The following MPDZ variants were observed in gnomAD, a reference collection of about 807,000 sequenced individuals.
MPDZ encodes the protein multiple PDZ domain crumbs cell polarity complex component, also known as multiple PDZ domain protein.
A neutral mutation model predicts 239.1 loss-of-function variants in MPDZ; 234 were observed. The observed-to-expected ratio is 0.98, with a 90% CI of 0.88 to 1.09. MPDZ has a LOEUF of 1.09. Among genes scored for constraint, MPDZ ranks in the 50% least tolerant of loss-of-function variants. The pLI is 0.00. For synonymous variants in MPDZ, 1,048 were observed against 881.3 expected, an observed-to-expected ratio of 1.19 and a Z score of -3.35; for missense variants, 3,175 against 2,510.0, an observed-to-expected ratio of 1.26 and a Z score of -5.66.
chr9:13,121,352 C>A (rs921802251), intron 38 of MPDZ, among the ~76,000 whole-genome samples: 20 of 152,176 alleles, frequency 1.3e-4, no homozygotes, highest in Admixed American at 1.3e-3. Flanking sequence ...GGGTCCCCCA[C>A]AAAGCATCTT....
At position 13,272,246 on chromosome 9, in the gene MPDZ, T is replaced by A. The variant is rs1464296526; in HGVS notation, c.-58+7154A>T. Reference sequence around the variant, plus strand: ...AGAAAAGGATAGGGGCTGAATAGGTTGACTTTAGCATCCAACAGATGTTCA... The same window carrying A: ...AGAAAAGGATAGGGGCTGAATAGGTAGACTTTAGCATCCAACAGATGTTCA... On this transcript the variant is annotated intron_variant, in intron 1 of 46. Coordinates refer to ENST00000319217, the MANE Select transcript of MPDZ (RefSeq NM_001378778.1). Among the ~76,000 whole-genome samples the A allele has an allele frequency of 2.6e-5, 4 of 152,154 alleles. No individual in the cohort carries two copies. The East Asian group carries it at 7.7e-4, about 29-fold the overall frequency.
chr9:13,261,363 G>A (rs1480126863), intron 1 of MPDZ, among the ~76,000 whole-genome samples: 1 of 151,994 alleles, frequency 6.6e-6, no homozygotes, highest in African/African-American at 2.4e-5. Flanking sequence ...TTTTGCCAGA[G>A]GTATGTTGTA....
intron 19 of MPDZ, among the ~76,000 whole-genome samples, chr9:13,177,169 C>A (rs1036850570): frequency 5.9e-5 from 9 of 152,062 alleles, no homozygotes; most frequent in African/African-American, 2.2e-4. Flanking sequence ...TATTGTATCA[C>A]TTGAGTGCTT....
At chr9:13,255,856 T>A (rs1241243171) in intron 1 of MPDZ, among the ~76,000 whole-genome samples, 2 of 152,208 alleles carry the variant, frequency 1.3e-5, no homozygotes, top group Admixed American at 1.3e-4. Context: ...AGCACTGGCT[T>A]CAATTTGACA....
chr9:13,277,736 T>C (rs1162276541), intron 1 of MPDZ, among the ~76,000 whole-genome samples: 1 of 152,052 alleles, frequency 6.6e-6, no homozygotes, highest in Non-Finnish European at 1.5e-5. Flanking sequence ...CGCTAATGTT[T>C]GTATTTTTAG....
intron 1 of MPDZ, among the ~76,000 whole-genome samples, chr9:13,267,131 A>G (rs1344332831): frequency 6.6e-6 from 1 of 152,234 alleles, no homozygotes; most frequent in African/African-American, 2.4e-5. Context: ...TTCAATAACA[A>G]CTAATAATAA....
chr9:13,198,170 A>G (rs1955892466), intron 12 of MPDZ, among the ~76,000 whole-genome samples: 1 of 152,146 alleles, frequency 6.6e-6, no homozygotes, highest in Non-Finnish European at 1.5e-5. Flanking sequence ...AGGAACCTCC[A>G]TAATGCTCTC....
intron 16 of MPDZ, among the ~76,000 whole-genome samples, chr9:13,189,826 C>G (rs568271273): frequency 9.2e-5 from 14 of 152,176 alleles, no homozygotes; most frequent in African/African-American, 3.4e-4. Flanking sequence ...ATCAAATAAG[C>G]CCATGGAAAT....
rs1942291355 is a variant in MPDZ at position 13,110,618 on chromosome 9, T to G, written c.5829+18A>C. 1 of 1,592,928 alleles carries G rather than the reference T, an allele frequency of 6.3e-7. No homozygotes were observed. Among genetic ancestry groups the G allele is most frequent in the African/African-American group, 1.3e-5 (1 of 74,670 alleles). ...AGGCTACCTATATTCTGAATTATGC[T>G]TGGGATAAAAATCTTACCTGCATTT... On this transcript the variant is annotated intron_variant, in intron 44 of 46. Coordinates refer to ENST00000319217, the MANE Select transcript of MPDZ (RefSeq NM_001378778.1).
At chr9:13,272,964 G>C (rs1200722594) in intron 1 of MPDZ, among the ~76,000 whole-genome samples, 1 of 152,106 alleles carries the variant, frequency 6.6e-6, no homozygotes, top group Admixed American at 6.6e-5. Flanking sequence ...ATGGTATTAG[G>C]GGGTGGGGTC....
Position 13,190,242 on chromosome 9 carries a change from C to T in MPDZ, c.2026G>A (p.Ala676Thr), listed in dbSNP as rs1954716690. The T allele has an allele frequency of 3.1e-6, 5 of 1,612,274 alleles. No homozygotes were observed. The highest frequency in any genetic ancestry group is 4.2e-6 in the Non-Finnish European group (5 of 1,179,232). Residue 676 changes from alanine (A) to threonine (T), a missense_variant, in exon 16 of 47, where the codon GCG (alanine) becomes ACG (threonine). Coordinates refer to ENST00000319217, the MANE Select transcript of MPDZ (RefSeq NM_001378778.1). The part of the protein sequence containing the change: ...GSSETEDPVL[A>T]MTDAGQSTEE... ...GTACTCTGACCCGCATCAGTCATCG[C>T]CAGCACTGGATCCTCTGTCTCTGAT...
chr9:13,186,892 G>C (rs1019240705), intron 17 of MPDZ, among the ~76,000 whole-genome samples: 9 of 152,142 alleles, frequency 5.9e-5, no homozygotes, highest in African/African-American at 2.2e-4. Flanking sequence ...GAAAAGGAAT[G>C]TTAGTGAACT....
At chr9:13,146,583 G>A (rs554488334) in intron 26 of MPDZ, among the ~76,000 whole-genome samples, 1 of 152,104 alleles carries the variant, frequency 6.6e-6, no homozygotes, top group South Asian at 2.1e-4. Flanking sequence ...GAAATTCAAA[G>A]AGAATCACTA....
At chr9:13,256,005 T>TAA (rs1969341967) in intron 1 of MPDZ, among the ~76,000 whole-genome samples, 1 of 152,212 alleles carries the variant, frequency 6.6e-6, no homozygotes, top group Non-Finnish European at 1.5e-5. Context: ...AAATCTGTTG[T>TAA]TTAGTGCAGC....
intron 21 of MPDZ, among the ~76,000 whole-genome samples, chr9:13,170,929 A>C (rs1951701059): frequency 6.6e-6 from 1 of 152,060 alleles, no homozygotes; most frequent in South Asian, 2.1e-4. Context: ...AACTTGTAAG[A>C]TCTCTCAATT....
rs745854560 is a variant in MPDZ, at chr9:13,107,075, C to A, written c.6103G>T (p.Asp2035Tyr). ...ASEDGRLKRG[D>Y]QIIAVNGQSL... ...TGCCCATTGACAGCAATGATCTGAT[C>A]GCCCCTTTTCAGACGTCCGTCTTCA... The change falls in exon 47 of 47, where the codon GAT (aspartate) becomes TAT (tyrosine). Residue 2035 changes from aspartate to tyrosine, a missense_variant. Asp to Tyr is a radical substitution (Grantham distance 160). Coordinates refer to ENST00000319217, the MANE Select transcript of MPDZ (RefSeq NM_001378778.1). The A allele has an allele frequency of 1.3e-5, 21 of 1,587,060 alleles. No homozygotes were observed. The South Asian group carries it at 2.1e-4, about 16-fold the overall frequency.
rs1274294695 is a variant in MPDZ at position 13,109,064 on chromosome 9, G to A, written c.5943-5C>T. On this transcript the variant is annotated splice_region_variant and splice_polypyrimidine_tract_variant and intron_variant, in intron 45 of 46. Coordinates refer to ENST00000319217, the MANE Select transcript of MPDZ (RefSeq NM_001378778.1). The stretch of plus-strand genomic sequence containing the variant: ...ATAGACTTACATTGAGGAGGTCTAC[G>A]GTGAAGGAAAGGAAAAAGAGGTTTT... 19 of 1,400,570 alleles carry A rather than the reference G, an allele frequency of 1.4e-5. No individual in the cohort carries two copies. The highest frequency in any genetic ancestry group is 1.5e-5 in the Non-Finnish European group (16 of 1,073,446). 86.8% of individuals were successfully genotyped at this position (1,400,570 alleles called of 1,614,324 possible). A position where few individuals can be genotyped will look rare whatever the true frequency, so the allele number is the denominator to read the frequency against.
chr9:13,207,228 A>T (rs1343553879), intron 10 of MPDZ, among the ~76,000 whole-genome samples: 2 of 152,182 alleles, frequency 1.3e-5, no homozygotes, highest in Non-Finnish European at 2.9e-5. Flanking sequence ...CAAAACATTC[A>T]AAAATGTCCC....
chr9:13,221,433 A>G lies in MPDZ; in HGVS notation c.815T>C (p.Ile272Thr), dbSNP rs1564066288. Residue 272 changes from isoleucine to threonine, a missense_variant, in exon 7 of 47, where the codon ATA (isoleucine) becomes ACA (threonine). Ile to Thr is a moderately conservative substitution (Grantham distance 89). Coordinates refer to ENST00000319217, the MANE Select transcript of MPDZ (RefSeq NM_001378778.1). ...TATCACACCAGTTGCTTTTCCTCCT[A>G]TGATGCCAAATCCCAAACCAGATCC... Reference protein sequence around the residue: ...NDGSGLGFGIIGGKATGVIVK... With the variant: ...NDGSGLGFGITGGKATGVIVK... 4 of 1,611,440 alleles carry G rather than the reference A, an allele frequency of 2.5e-6. No individual in the cohort carries two copies. Among genetic ancestry groups the G allele is most frequent in the Non-Finnish European group, 2.5e-6 (3 of 1,178,358 alleles).
Sources: allele counts gnomAD v4.1 joint callset (sites outside exome capture counted in the v4.1 genomes callset), GRCh38; gene constraint gnomAD v4.1.1; transcripts MANE v1.5; gene names NCBI Gene and HGNC (gene_info 2026-07-23, HGNC 2026-07-21).